The following LRP1B variants were observed in gnomAD, a reference collection of about 807,000 sequenced individuals.
LRP1B encodes the protein LDL receptor related protein 1B, also known as low-density lipoprotein receptor-related protein 1B.
A neutral mutation model predicts 556.6 loss-of-function variants in LRP1B; 217 were observed. The ratio of observed to expected loss-of-function variants is 0.39; its 90% CI spans 0.35 to 0.44. LRP1B has a LOEUF of 0.44. Among genes scored for constraint, LRP1B ranks in the 20% least tolerant of loss-of-function variants. The pLI, the probability that LRP1B is intolerant of heterozygous loss-of-function variation, is 1.00. For missense variants in LRP1B, 5,053 were observed against 5,620.8 expected (o/e 0.90, Z 3.23); for synonymous variants, 2,047 against 1,865.8 (o/e 1.10, Z -2.50).
intron 7 of LRP1B, among the ~76,000 whole-genome samples, chr2:141,085,145 G>A (rs1234690817): frequency 8.3e-6 from 1 of 120,704 alleles, no homozygotes; most frequent in Non-Finnish European, 1.6e-5. Context: ...GAGAAATGGG[G>A]TGGGGGAAGG....
At chr2:140,317,052 C>A (rs1232852332) in intron 82 of LRP1B, among the ~76,000 whole-genome samples, 1 of 152,076 alleles carries the variant, frequency 6.6e-6, no homozygotes, top group East Asian at 1.9e-4. Context: ...TATGGGTGAG[C>A]ACTGGAGGAA....
intron 1 of LRP1B, among the ~76,000 whole-genome samples, chr2:142,112,500 G>A (rs1343650923): frequency 6.6e-6 from 1 of 151,984 alleles, no homozygotes; most frequent in African/African-American, 2.4e-5. Flanking sequence ...AAATTCGGGA[G>A]GGAAATAAAG....
rs374609065 is a variant in LRP1B at position 141,649,377 on chromosome 2, T to G, written c.205+160902A>C. Among the ~76,000 whole-genome samples, 64 of 152,306 alleles carry G rather than the reference T, an allele frequency of 4.2e-4. No homozygotes were observed. The South Asian group carries it at 0.013, about 32-fold the overall frequency. On this transcript the variant is annotated intron_variant, in intron 2 of 90. Coordinates refer to ENST00000389484, the MANE Select transcript of LRP1B (RefSeq NM_018557.3). The stretch of plus-strand genomic sequence containing the variant: ...GCAAATTCAAAACCAAGAAGTAAAG[T>G]GTGAAATGGCAATATTCTCTTCTTA...
chr2:140,298,944 G>GA (rs1268470955), intron 83 of LRP1B, among the ~76,000 whole-genome samples: 2 of 152,192 alleles, frequency 1.3e-5, no homozygotes, highest in African/African-American at 4.8e-5. Flanking sequence ...GAAACAACAT[G>GA]AAAGAGTATG....
chr2:140,441,958 A>C (rs1686446375), intron 66 of LRP1B, among the ~76,000 whole-genome samples: 1 of 152,236 alleles, frequency 6.6e-6, no homozygotes, highest in South Asian at 2.1e-4. Context: ...TTAAGAAATA[A>C]TTATTGTAAA....
intron 66 of LRP1B, among the ~76,000 whole-genome samples, chr2:140,391,529 A>T (rs541423304): frequency 6.6e-6 from 1 of 152,148 alleles, no homozygotes; most frequent in African/African-American, 2.4e-5. Flanking sequence ...TGTTTTAATT[A>T]AAATTACCTT....
At chr2:141,390,482 A>G (rs1039089770) in intron 3 of LRP1B, among the ~76,000 whole-genome samples, 11 of 152,204 alleles carry the variant, frequency 7.2e-5, no homozygotes, top group Non-Finnish European at 1.2e-4. Context: ...TCAAACAAAT[A>G]CAATTACAGT....
intron 41 of LRP1B, among the ~76,000 whole-genome samples, chr2:140,632,636 T>C (rs979853837): frequency 6.6e-6 from 1 of 152,128 alleles, no homozygotes; most frequent in African/African-American, 2.4e-5. Flanking sequence ...AATTACAATA[T>C]GGTACATATT....
intron 1 of LRP1B, among the ~76,000 whole-genome samples, chr2:141,955,082 C>T (rs1701210613): frequency 6.6e-6 from 1 of 152,076 alleles, no homozygotes; most frequent in Non-Finnish European, 1.5e-5. Flanking sequence ...CTAACACAGC[C>T]ATCTGAAGCC....
intron 1 of LRP1B, among the ~76,000 whole-genome samples, chr2:141,850,596 T>C (rs908602739): frequency 1.3e-5 from 2 of 148,752 alleles, no homozygotes; most frequent in African/African-American, 2.5e-5. Context: ...TATATATATA[T>C]ATATAGTTCT....
chr2:141,145,738 G>A (rs961692514), intron 7 of LRP1B, among the ~76,000 whole-genome samples: 2 of 151,270 alleles, frequency 1.3e-5, no homozygotes, highest in Admixed American at 6.6e-5. Flanking sequence ...TCATCGTGTT[G>A]GTCAGGCTGG....
chr2:141,744,186 C>T (rs948743110), intron 2 of LRP1B, among the ~76,000 whole-genome samples: 1 of 151,910 alleles, frequency 6.6e-6, no homozygotes, highest in East Asian at 1.9e-4. Flanking sequence ...GTATGTTGTG[C>T]TTTCATTGTC....
In LRP1B at chr2:140,989,846, T is replaced by TA. The variant is rs563931753; in HGVS notation, c.2645-190dup. Among the ~76,000 whole-genome samples the TA allele has an allele frequency of 3.1e-3, 479 of 152,264 alleles. 4 individuals carry two copies. The highest frequency in any genetic ancestry group is 0.011 in the African/African-American group (452 of 41,566). ...ACTTTGTTAAAATGTAATGCTTTTA[T>TA]AAAAAACATCAAGTAATTACATCTT... is the stretch of plus-strand genomic sequence containing the variant. On this transcript the variant is annotated intron_variant, in intron 16 of 90. Transcript: ENST00000389484.
Position 140,231,917 on chromosome 2 carries a change from T to C in LRP1B, c.*1269A>G, listed in dbSNP as rs1680488895. On this transcript the variant is annotated 3_prime_UTR_variant, in exon 91 of 91. Transcript: ENST00000389484. ...TATAAAAATGCTATCCTTTTATTTT[T>C]ATATACAACTTAAATAAATCGCACT... is the stretch of plus-strand genomic sequence containing the variant. 6.6e-6 allele frequency: 1 copy of C among 151,792 alleles called. No individual in the cohort carries two copies. Among genetic ancestry groups the C allele is most frequent in the Non-Finnish European group, 1.5e-5 (1 of 67,554 alleles). The allele number at this position is 151,792 out of a possible 1,614,324, so 9.4% of individuals were successfully genotyped here. A position where few individuals can be genotyped will look rare whatever the true frequency, so the allele number is the denominator to read the frequency against.
At chr2:140,524,657 C>T (rs755673086) in intron 49 of LRP1B, among the ~76,000 whole-genome samples, 7 of 151,818 alleles carry the variant, frequency 4.6e-5, no homozygotes, top group Non-Finnish European at 1.0e-4. Context: ...AACATGAATG[C>T]AGCTCAAGAG....
chr2:141,629,848 T>C (rs1274532070), intron 2 of LRP1B, among the ~76,000 whole-genome samples: 1 of 152,126 alleles, frequency 6.6e-6, no homozygotes, highest in African/African-American at 2.4e-5. Flanking sequence ...CTTATGACCC[T>C]AGCAGAGAAT....
intron 3 of LRP1B, among the ~76,000 whole-genome samples, chr2:141,416,446 A>AT (rs34512949): frequency 0.31 from 31,744 of 103,604 alleles, 5,669 homozygotes; most frequent in Non-Finnish European, 0.36. Context: ...TTTGACAGCC[A>AT]TTTTTTTTTT....
At chr2:141,034,448 A>C (rs932298307) in intron 11 of LRP1B, among the ~76,000 whole-genome samples, 1 of 151,990 alleles carries the variant, frequency 6.6e-6, no homozygotes, top group African/African-American at 2.4e-5. Context: ...GAAAATTTTC[A>C]CAACCTATTC....
chr2:141,747,401 C>T (rs372289494), intron 2 of LRP1B, among the ~76,000 whole-genome samples: 8 of 152,282 alleles, frequency 5.3e-5, no homozygotes, highest in African/African-American at 1.9e-4. Context: ...GAAAAATGCT[C>T]AGGTAGTAAT....
Sources: gnomAD v4.1 joint callset for allele counts (sites outside exome capture counted in the v4.1 genomes callset) on GRCh38, gnomAD v4.1.1 for gene constraint, MANE v1.5 for transcripts, NCBI Gene and HGNC (gene_info 2026-07-23, HGNC 2026-07-21) for gene names.